The following CYP7B1 variants were observed in gnomAD, a reference collection of about 807,000 sequenced individuals.
The protein encoded by CYP7B1 is cytochrome P450 7B1.
A neutral mutation model predicts 42.7 loss-of-function variants in CYP7B1; 29 were observed. The observed-to-expected ratio is 0.68, with a 90% CI of 0.51 to 0.93. The LOEUF (loss-of-function observed/expected upper bound fraction) is 0.93. Among genes scored for constraint, CYP7B1 ranks in the 40% least tolerant of loss-of-function variants. CYP7B1 has a pLI of 0.00. For missense variants in CYP7B1, 655 were observed against 600.5 expected, an observed-to-expected ratio of 1.09 and a Z score of -0.95; for synonymous variants, 235 against 218.2, an observed-to-expected ratio of 1.08 and a Z score of -0.68.
intron 1 of CYP7B1, among the ~76,000 whole-genome samples, chr8:64,706,626 G>T (rs1807003385): frequency 6.6e-6 from 1 of 151,918 alleles, no homozygotes. Flanking sequence ...TTATCGATTG[G>T]ATTTAATTAG....
intron 1 of CYP7B1, among the ~76,000 whole-genome samples, chr8:64,686,027 A>G (rs1806631243): frequency 1.0e-5 from 1 of 96,094 alleles, no homozygotes. Flanking sequence ...CAGCCCGGCC[A>G]GCCACCCCGT....
intron 1 of CYP7B1, among the ~76,000 whole-genome samples, chr8:64,742,384 G>C (rs1381176065): frequency 6.6e-6 from 1 of 152,134 alleles, no homozygotes; most frequent in Middle Eastern, 3.4e-3. Context: ...AACAGTAGTG[G>C]TAGAGAAATG....
chr8:64,744,350 TC>T (rs1807611968), intron 1 of CYP7B1, among the ~76,000 whole-genome samples: 1 of 152,058 alleles, frequency 6.6e-6, no homozygotes, highest in South Asian at 2.1e-4. Context: ...AAAAAGAATC[TC>T]TTTTTTTTTT....
chr8:64,614,987 G>C (rs768687788), intron 4 of CYP7B1, 39 bp downstream of exon 4: 1 of 1,606,024 alleles, frequency 6.2e-7, no homozygotes, highest in East Asian at 2.2e-5. Context: ...TTTGCAGAGA[G>C]GTACCTTCTT....
At chr8:64,630,364 C>T (rs1269896987) in intron 1 of CYP7B1, among the ~76,000 whole-genome samples, 2 of 152,212 alleles carry the variant, frequency 1.3e-5, no homozygotes, top group Admixed American at 6.5e-5. Context: ...ATCTGGCCCA[C>T]TATCTATGTA....
rs533098712 is a variant in CYP7B1 at position 64,756,449 on chromosome 8, G to A, written c.122+42017C>T. ...CATCCAAACATTTTCTAAGCTCAGG[G>A]TTTGTTTTGGAAGCGGAATTTCTAG... On this transcript the variant is annotated intron_variant, in intron 1 of 5. Coordinates refer to ENST00000310193, the MANE Select transcript of CYP7B1 (RefSeq NM_004820.5). 3.9e-5 allele frequency among the ~76,000 whole-genome samples: 6 copies of A among 152,294 alleles called. 1 individual carries two copies. The South Asian group carries it at 1.2e-3, about 32-fold the overall frequency.
chr8:64,665,101 TATTA>T (rs1806255212), intron 1 of CYP7B1, among the ~76,000 whole-genome samples: 1 of 152,192 alleles, frequency 6.6e-6, no homozygotes, highest in Non-Finnish European at 1.5e-5. Flanking sequence ...CATTAATATT[TATTA>T]ATTAATTCCA....
At chr8:64,703,203 T>C (rs1473551757) in intron 1 of CYP7B1, among the ~76,000 whole-genome samples, 1 of 151,984 alleles carries the variant, frequency 6.6e-6, no homozygotes, top group Non-Finnish European at 1.5e-5. Flanking sequence ...AATGCTTCTA[T>C]TCTGTTCCAA....
chr8:64,771,664 T>C (rs1444668330), intron 1 of CYP7B1, among the ~76,000 whole-genome samples: 3 of 152,178 alleles, frequency 2.0e-5, no homozygotes, highest in Non-Finnish European at 2.9e-5. Context: ...CCCTCTCCCA[T>C]GTGCTGTAGT....
intron 1 of CYP7B1, among the ~76,000 whole-genome samples, chr8:64,786,704 T>A (rs1205700534): frequency 6.6e-6 from 1 of 152,176 alleles, no homozygotes; most frequent in Non-Finnish European, 1.5e-5. Context: ...CTTCTCACAA[T>A]TCCAATAGGC....
At chr8:64,719,743 G>A (rs1016060224) in intron 1 of CYP7B1, among the ~76,000 whole-genome samples, 12 of 152,118 alleles carry the variant, frequency 7.9e-5, no homozygotes, top group African/African-American at 2.7e-4. Context: ...GGACAGCCTC[G>A]ATTAAAGAAC....
chr8:64,604,149 A>G (rs1805241524), intron 5 of CYP7B1, among the ~76,000 whole-genome samples: 1 of 152,216 alleles, frequency 6.6e-6, no homozygotes, highest in African/African-American at 2.4e-5. Context: ...ACCCGTGAGC[A>G]GCAGCTTTAC....
intron 1 of CYP7B1, 126 bp downstream of exon 1, chr8:64,798,340 G>C: frequency 7.5e-7 from 1 of 1,330,760 alleles, no homozygotes; most frequent in Non-Finnish European, 9.6e-7. Flanking sequence ...AAGGAAGCCA[G>C]TACCCCGCAG....
At chr8:64,670,881 T>A (rs1019606915) in intron 1 of CYP7B1, among the ~76,000 whole-genome samples, 13 of 151,992 alleles carry the variant, frequency 8.6e-5, no homozygotes, top group African/African-American at 3.1e-4. Flanking sequence ...CTTTTTTTTT[T>A]AAACCCTGGT....
chr8:64,795,001 G>A (rs893923973), intron 1 of CYP7B1, among the ~76,000 whole-genome samples: 1 of 152,082 alleles, frequency 6.6e-6, no homozygotes, highest in Non-Finnish European at 1.5e-5. Flanking sequence ...TATTACTGGC[G>A]GAAGTGTTCA....
intron 4 of CYP7B1, among the ~76,000 whole-genome samples, chr8:64,608,013 G>T (rs1805309216): frequency 6.6e-6 from 1 of 152,168 alleles, no homozygotes; most frequent in Non-Finnish European, 1.5e-5. Context: ...TATATGCTAG[G>T]AAATTGGATT....
chr8:64,749,860 T>C (rs1807702011), intron 1 of CYP7B1, among the ~76,000 whole-genome samples: 1 of 152,130 alleles, frequency 6.6e-6, no homozygotes, highest in East Asian at 1.9e-4. Context: ...GCTCAATATC[T>C]CTAGGGGAAA....
chr8:64,706,959 A>G (rs1807009012), intron 1 of CYP7B1, among the ~76,000 whole-genome samples: 1 of 152,082 alleles, frequency 6.6e-6, no homozygotes, highest in Non-Finnish European at 1.5e-5. Context: ...GTAACAATTG[A>G]GCAATTCATC....
chr8:64,630,143 A>T (rs1169397679), intron 1 of CYP7B1, among the ~76,000 whole-genome samples: 1 of 152,198 alleles, frequency 6.6e-6, no homozygotes, highest in Non-Finnish European at 1.5e-5. Flanking sequence ...TCAGATCAAC[A>T]GAAAGGAAGT....
Sources: gnomAD v4.1 joint callset for allele counts (sites outside exome capture counted in the v4.1 genomes callset) on GRCh38, gnomAD v4.1.1 for gene constraint, MANE v1.5 for transcripts, NCBI Gene and HGNC (gene_info 2026-07-23, HGNC 2026-07-21) for gene names.